The following PDLIM7 variants were observed in gnomAD, a reference collection of about 807,000 sequenced individuals.
PDLIM7 encodes the protein PDZ and LIM domain protein 7.
A neutral mutation model predicts 53.9 loss-of-function variants in PDLIM7; 37 were observed. That is an observed-to-expected ratio of 0.69 (90% CI 0.53 to 0.90). PDLIM7 has a LOEUF of 0.90. Ranked by LOEUF, PDLIM7 falls within the 40% of genes least tolerant of loss-of-function variation. The pLI, the probability that PDLIM7 is intolerant of heterozygous loss-of-function variation, is 0.00. For missense variants in PDLIM7, 617 were observed against 638.5 expected (o/e 0.97, Z 0.36); for synonymous variants, 300 against 261.3 (o/e 1.15, Z -1.43).
chr5:177,491,053 C>T lies in PDLIM7; in HGVS notation c.492G>A (p.Ser164=), dbSNP rs370753632. 319 of 1,612,002 alleles carry T rather than the reference C, an allele frequency of 2.0e-4. No individual in the cohort carries two copies. The highest frequency in any genetic ancestry group is 1.5e-3 in the African/African-American group (114 of 75,016). The change falls in exon 6 of 13, where the codon TCG becomes TCA. Residue 164 remains serine (S), a synonymous_variant. Transcript: ENST00000355841. ...DWRPRPGTGQ[S]RSFRILAHLT... is the part of the protein sequence containing the mutation. ...GGTGGGCAAGGATGCGGAAGGAACG[C>T]GACTGGCCTGTCCCCGGCCGCGGCC...
At chr5:177,484,235 C>A (rs763679956) in intron 10 of PDLIM7, 45 bp from the exon 11 acceptor site, 1 of 1,604,388 alleles carries the variant, frequency 6.2e-7, no homozygotes. Flanking sequence ...GCCCCTCCTG[C>A]CCTGCCCTGG....
intron 5 of PDLIM7, 97 bp downstream of exon 5, chr5:177,491,710 G>C: frequency 1.4e-6 from 1 of 738,018 alleles, no homozygotes; most frequent in Non-Finnish European, 2.0e-6. Context: ...GGTTCCGCCG[G>C]GCTGGGGCGC....
chr5:177,496,002 G>C (rs760520931), intron 2 of PDLIM7, among the ~76,000 whole-genome samples: 3 of 152,012 alleles, frequency 2.0e-5, no homozygotes, highest in Non-Finnish European at 2.9e-5. Flanking sequence ...CTGGAAAAAC[G>C]GGATGAGGAT....
intron 7 of PDLIM7, chr5:177,490,643 AAGGGAGGCAGGG>A (rs1296569887): frequency 3.2e-6 from 4 of 1,235,326 alleles, no homozygotes; most frequent in Non-Finnish European, 4.6e-6. Flanking sequence ...GGAGAGATGG[AAGGGAGGCAGGG>A]AGGGAGGAGG....
chr5:177,497,388 G>C (rs1759147091), intron 1 of PDLIM7, 140 bp downstream of exon 1: 1 of 152,358 alleles, frequency 6.6e-6, no homozygotes, highest in African/African-American at 2.4e-5. Flanking sequence ...AGGAAGGCGG[G>C]GGCGGGGGCG....
At chr5:177,491,289 T>C (rs1758767405) in intron 5 of PDLIM7, 143 bp from the exon 6 acceptor site, 1 of 1,430,794 alleles carries the variant, frequency 7.0e-7, no homozygotes, top group Non-Finnish European at 9.6e-7. Flanking sequence ...GCTGGGCGGG[T>C]AGGTGAGAGG....
In PDLIM7 at chr5:177,489,384, G is replaced by A; in HGVS notation, c.869+9C>T. The A allele has an allele frequency of 6.5e-7, 1 of 1,546,242 alleles. No individual in the cohort carries two copies. The highest frequency in any genetic ancestry group is 8.8e-7 in the Non-Finnish European group (1 of 1,140,792). On this transcript the variant is annotated intron_variant, in intron 9 of 12. Coordinates refer to ENST00000355841, the MANE Select transcript of PDLIM7 (RefSeq NM_005451.5). ...GAAAGCCAGGGTCGGACAGGAACAG[G>A]CCACCCACCGGATGACCTTGTGGCA...
chr5:177,490,742 GAA>G (rs1561703115), intron 7 of PDLIM7, 126 bp downstream of exon 7: 22 of 897,396 alleles, frequency 2.5e-5, no homozygotes, highest in African/African-American at 1.2e-4. Flanking sequence ...AGGAAGGAAG[GAA>G]GGAAGGAAGG....
Position 177,491,903 on chromosome 5 carries a change from G to C in PDLIM7, c.302C>G (p.Pro101Arg), listed in dbSNP as rs747953598. 40 of 1,285,586 alleles carry C rather than the reference G, an allele frequency of 3.1e-5. No individual in the cohort carries two copies. Among genetic ancestry groups the C allele is most frequent in the Admixed American group, 3.9e-5 (1 of 25,412 alleles). 79.6% of individuals were successfully genotyped at this position (1,285,586 alleles called of 1,614,324 possible). ...GCTGGGTGCAAAGGTGTACCGCGGA[G>C]GGTCCGCGGCGGGGGCGGAGGCCTG... ...PQKASAPAAD[P>R]PRYTFAPSVS... Residue 101 changes from proline to arginine, a missense_variant, in exon 5 of 13, where the codon CCT (proline) becomes CGT (arginine). Pro to Arg is a moderately radical substitution (Grantham distance 103, BLOSUM62 -2). Transcript: ENST00000355841.
In PDLIM7 at chr5:177,489,836, C is replaced by A; in HGVS notation, c.573-4G>T. On this transcript the variant is annotated splice_region_variant and splice_polypyrimidine_tract_variant and intron_variant, in intron 7 of 12. Coordinates refer to ENST00000355841, the MANE Select transcript of PDLIM7 (RefSeq NM_005451.5). ...GGCTTCTGTCCTGGGCACCTGGCTG[C>A]AAGATCTGCCATTCAAGGCCCTGCA... is the stretch of plus-strand genomic sequence containing the variant. 6.3e-7 allele frequency: 1 copy of A among 1,583,768 alleles called. No homozygotes were observed.
intron 2 of PDLIM7, among the ~76,000 whole-genome samples, chr5:177,493,499 C>T (rs1030139351): frequency 3.3e-5 from 5 of 152,186 alleles, no homozygotes; most frequent in Admixed American, 6.5e-5. Flanking sequence ...CGGTGGGCCT[C>T]GGTAAAGGAG....
intron 10 of PDLIM7, 194 bp from the exon 11 acceptor site, chr5:177,484,384 G>C (rs1383825159): frequency 9.8e-6 from 6 of 611,400 alleles, no homozygotes; most frequent in South Asian, 9.8e-5. Flanking sequence ...CTTCAGACTT[G>C]CCATGTCCAG....
chr5:177,485,527 G>A (rs1477832025), intron 10 of PDLIM7, among the ~76,000 whole-genome samples: 2 of 152,250 alleles, frequency 1.3e-5, no homozygotes, highest in Non-Finnish European at 2.9e-5. Context: ...GCCTTGTGAG[G>A]CTGTTATGAG....
At chr5:177,486,681 C>G (rs1332214387) in intron 10 of PDLIM7, among the ~76,000 whole-genome samples, 1 of 152,098 alleles carries the variant, frequency 6.6e-6, no homozygotes, top group Non-Finnish European at 1.5e-5. Flanking sequence ...CTCTGTCGCC[C>G]AGGCTGGAGT....
intron 7 of PDLIM7, 101 bp downstream of exon 7, chr5:177,490,769 G>A (rs1554106282): frequency 5.1e-6 from 6 of 1,174,640 alleles, no homozygotes; most frequent in Non-Finnish European, 7.6e-6. Flanking sequence ...AAGGAAGGGA[G>A]AATTGAGAGC....
intron 7 of PDLIM7, 155 bp from the exon 8 acceptor site, chr5:177,489,987 C>T (rs553207489): frequency 2.6e-6 from 4 of 1,535,436 alleles, no homozygotes; most frequent in Non-Finnish European, 3.5e-6. Context: ...ATGGGAAGGG[C>T]AGCTTCTCCT....
At chr5:177,496,992 G>C (rs1259860762) in intron 1 of PDLIM7, 1 of 140,838 alleles carries the variant, frequency 7.1e-6, no homozygotes, top group Non-Finnish European at 1.6e-5. Context: ...GGAGCACACG[G>C]GGGCTTGGGA....
Position 177,491,831 on chromosome 5 carries a change from G to C in PDLIM7, c.374C>G (p.Ala125Gly), listed in dbSNP as rs1420819074. 1 of 1,283,058 alleles carries C rather than the reference G, an allele frequency of 7.8e-7. No individual in the cohort carries two copies. The highest frequency in any genetic ancestry group is 9.9e-7 in the Non-Finnish European group (1 of 1,011,002). 79.5% of individuals were successfully genotyped at this position (1,283,058 alleles called of 1,614,324 possible). The change falls in exon 5 of 13, where the codon GCT (alanine) becomes GGT (glycine). Residue 125 changes from alanine (A) to glycine (G), a missense_variant. Coordinates refer to ENST00000355841, the MANE Select transcript of PDLIM7 (RefSeq NM_005451.5). Reference sequence around the variant, plus strand: ...CCCATTCTGCTGCGGGGCGCTGTCAGCGGGCGGGGGCGCCCCAAAGGGCCG... The same window carrying C: ...CCCATTCTGCTGCGGGGCGCTGTCACCGGGCGGGGGCGCCCCAAAGGGCCG... ...TARPFGAPPP[A>G]DSAPQQNGQP...
At position 177,489,377 on chromosome 5, in the gene PDLIM7, G is replaced by A. The variant is rs934087476; in HGVS notation, c.869+16C>T. 1.3e-6 allele frequency: 2 copies of A among 1,532,424 alleles called. No individual in the cohort carries two copies. Among genetic ancestry groups the A allele is most frequent in the Admixed American group, 3.9e-5 (2 of 51,668 alleles). 94.9% of individuals were successfully genotyped at this position (1,532,424 alleles called of 1,614,324 possible). A position where few individuals can be genotyped will look rare whatever the true frequency, so the allele number is the denominator to read the frequency against. On this transcript the variant is annotated intron_variant, in intron 9 of 12. Transcript: ENST00000355841. Reference sequence around the variant, plus strand: ...AGGATGGGAAAGCCAGGGTCGGACAGGAACAGGCCACCCACCGGATGACCT... The same window carrying A: ...AGGATGGGAAAGCCAGGGTCGGACAAGAACAGGCCACCCACCGGATGACCT...
Sources: allele counts gnomAD v4.1 joint callset (sites outside exome capture counted in the v4.1 genomes callset), GRCh38; gene constraint gnomAD v4.1.1; transcripts MANE v1.5; gene names NCBI Gene and HGNC (gene_info 2026-07-23, HGNC 2026-07-21).